Variants in PMS2 observed in about 807,000 individuals in gnomAD.
PMS2 encodes the protein mismatch repair endonuclease PMS2.
A neutral mutation model predicts 90.0 loss-of-function variants in PMS2; 69 were observed. The observed-to-expected ratio is 0.77, with a 90% CI of 0.63 to 0.94. The LOEUF (loss-of-function observed/expected upper bound fraction) is 0.94, where lower values mean the gene tolerates loss of function less well. Among genes scored for constraint, PMS2 ranks in the 40% least tolerant of loss-of-function variants. PMS2 has a pLI of 0.00. For missense variants in PMS2, 966 were observed against 1,040.2 expected, an observed-to-expected ratio of 0.93 and a Z score of 0.98; for synonymous variants, 332 against 375.1, an observed-to-expected ratio of 0.89 and a Z score of 1.33.
At position 5,994,731 on chromosome 7, in the gene PMS2, A is replaced by G. The variant is rs893311560; in HGVS notation, c.903+803T>C. ...GCGGAGCTTGCAGTGAGCCGAGACCACGCCACTGCACTCCAGCCTGGGTGA... is the reference window on the plus strand; with the variant it reads ...GCGGAGCTTGCAGTGAGCCGAGACCGCGCCACTGCACTCCAGCCTGGGTGA... On this transcript the variant is annotated intron_variant, in intron 8 of 14. Transcript: ENST00000265849. Among the ~76,000 whole-genome samples, 15 of 151,486 alleles carry G rather than the reference A, an allele frequency of 9.9e-5. No individual in the cohort carries two copies. In the East Asian group the frequency reaches 1.6e-3, roughly 16 times the overall value.
intron 7 of PMS2, 36 bp downstream of exon 7, chr7:5,997,290 G>A (rs1402536065): frequency 1.0e-6 from 1 of 983,906 alleles, no homozygotes; most frequent in Non-Finnish European, 1.6e-6. Context: ...AGGATAAAAT[G>A]TTCAATTGTA....
chr7:5,997,528 A>T, intron 6 of PMS2, 105 bp from the exon 7 acceptor site: 1 of 714,640 alleles, frequency 1.4e-6, no homozygotes, highest in South Asian at 1.7e-5. Flanking sequence ...AGCGCAAAAA[A>T]AATTAAAAGA....
In PMS2 at chr7:6,004,096, G is replaced by A. The variant is rs374385984; in HGVS notation, c.164-38C>T. On this transcript the variant is annotated intron_variant, in intron 2 of 14. Coordinates refer to ENST00000265849, the MANE Select transcript of PMS2 (RefSeq NM_000535.7). The stretch of plus-strand genomic sequence containing the variant: ...AAATATTTACATATTTATTAAAAAC[G>A]GACCCATGCTATCAGTTTTTATATT... 4.9e-4 allele frequency: 549 copies of A among 1,119,362 alleles called. 3 individuals are homozygous for A. The highest frequency in any genetic ancestry group is 3.0e-4 in the Non-Finnish European group (224 of 735,212). The allele number at this position is 1,119,362 out of a possible 1,614,324, so 69.3% of individuals were successfully genotyped here.
At chr7:6,004,841 T>A (rs950582162) in intron 2 of PMS2, among the ~76,000 whole-genome samples, 19 of 152,230 alleles carry the variant, frequency 1.2e-4, no homozygotes, top group African/African-American at 4.3e-4. Context: ...AAATAGAGAA[T>A]AATAAGTTCT....
rs35943120 is a variant in PMS2, at chr7:6,005,931, A to C, written c.124T>G (p.Leu42Val). 3.1e-6 allele frequency: 5 copies of C among 1,610,584 alleles called. No individual in the cohort carries two copies. The highest frequency in any genetic ancestry group is 4.2e-6 in the Non-Finnish European group (5 of 1,179,802). The change falls in exon 2 of 15, where the codon TTA becomes GTA. Residue 42 changes from leucine to valine, a missense_variant. Around this residue, in one of 2 missense-constraint regions of PMS2, gnomAD observed 871 missense variants for 802.4 expected, o/e 1.09. Coordinates refer to ENST00000265849, the MANE Select transcript of PMS2 (RefSeq NM_000535.7). ...CCAGCATCCAGACTGTTTTCTACTA[A>C]CTCCTTTACCGCAGTGCTTAGACTC... The part of the protein sequence containing the change: ...VLSLSTAVKE[L>V]VENSLDAGAT...
In PMS2 at chr7:5,987,515, A is replaced by G. The variant is rs1451465095; in HGVS notation, c.1250T>C (p.Ile417Thr). Residue 417 changes from isoleucine to threonine, a missense_variant, in exon 11 of 15, where the codon ATT (isoleucine) becomes ACT (threonine). Coordinates refer to ENST00000265849, the MANE Select transcript of PMS2 (RefSeq NM_000535.7). ...RTGEEKKDVSISRLREAFSLR... is the reference protein window; with the variant it reads ...RTGEEKKDVSTSRLREAFSLR... The stretch of plus-strand genomic sequence containing the variant: ...AGAAAAGGCCTCTCGCAGTCTGGAA[A>G]TGGACACGTCTTTTTTTTCTTCTCC... The G allele has an allele frequency of 6.2e-7, 1 of 1,614,056 alleles. No individual in the cohort carries two copies. Among genetic ancestry groups the G allele is most frequent in the Non-Finnish European group, 8.5e-7 (1 of 1,180,044 alleles).
intron 2 of PMS2, among the ~76,000 whole-genome samples, chr7:6,005,232 A>C (rs1157798551): frequency 7.0e-6 from 1 of 142,598 alleles, no homozygotes; most frequent in Admixed American, 7.0e-5. Context: ...TTGAGATGGA[A>C]TCTTGCTCTG....
chr7:5,999,385 A>AG, intron 5 of PMS2, 110 bp from the exon 6 acceptor site: 1 of 941,578 alleles, frequency 1.1e-6, no homozygotes, highest in Non-Finnish European at 1.7e-6. Flanking sequence ...GCACAAATCA[A>AG]GGGAAGCACT....
intron 8 of PMS2, among the ~76,000 whole-genome samples, chr7:5,994,962 T>C (rs1402972520): frequency 6.6e-6 from 1 of 152,006 alleles, no homozygotes; most frequent in Non-Finnish European, 1.5e-5. Flanking sequence ...CGAAAAACAA[T>C]GGTTCAATAG....
At chr7:5,997,710 G>T (rs998265301) in intron 6 of PMS2, among the ~76,000 whole-genome samples, 1 of 151,898 alleles carries the variant, frequency 6.6e-6, no homozygotes, top group African/African-American at 2.4e-5. Flanking sequence ...CACCACACCT[G>T]GCTAATTTTT....
chr7:6,000,923 G>T (rs940835140), intron 5 of PMS2, among the ~76,000 whole-genome samples: 1 of 152,082 alleles, frequency 6.6e-6, no homozygotes, highest in African/African-American at 2.4e-5. Context: ...CCCAGGAGGT[G>T]GAGGTTGCAG....
chr7:5,986,740 T>G lies in PMS2; in HGVS notation c.2006+19A>C. On this transcript the variant is annotated intron_variant, in intron 11 of 14. Transcript: ENST00000265849. ...AAATTTTAGATAAAAAGAGAAAAAG[T>G]AAAAAATTAAAACTTTACCTTATCT... 6.5e-7 allele frequency: 1 copy of G among 1,536,282 alleles called. No homozygotes were observed. The highest frequency in any genetic ancestry group is 1.3e-5 in the South Asian group (1 of 78,660).
rs2128818375 is a variant in PMS2, at chr7:6,002,577, T to C, written c.413A>G (p.Asp138Gly). ...SAKVGTRLMFDHNGKIIQKTP... is the reference protein window; with the variant it reads ...SAKVGTRLMFGHNGKIIQKTP... ...TTTCTGGATAATTTTCCCATTGTGA[T>C]CAAACATCAGTCGAGTTCCAACCTT... Residue 138 changes from aspartate to glycine, a missense_variant, in exon 5 of 15, where the codon GAT becomes GGT. By Grantham distance (94) the Asp-to-Gly change is moderately conservative (BLOSUM62 -1). This residue lies in a region of PMS2 where 871 missense variants were observed against 802.4 expected (regional missense o/e 1.09). Coordinates refer to ENST00000265849, the MANE Select transcript of PMS2 (RefSeq NM_000535.7). 4 of 1,611,922 alleles carry C rather than the reference T, an allele frequency of 2.5e-6. No homozygotes were observed. Among genetic ancestry groups the C allele is most frequent in the Non-Finnish European group, 3.4e-6 (4 of 1,179,792 alleles).
intron 9 of PMS2, 51 bp downstream of exon 9, chr7:5,991,922 A>G: frequency 1.2e-6 from 1 of 861,496 alleles, no homozygotes; most frequent in Non-Finnish European, 2.0e-6. Flanking sequence ...ATTTCATTTT[A>G]TTCTTTGAGG....
intron 11 of PMS2, among the ~76,000 whole-genome samples, chr7:5,984,393 C>A (rs988659084): frequency 4.0e-5 from 6 of 151,830 alleles, no homozygotes; most frequent in Admixed American, 3.3e-4. Flanking sequence ...CAGTCCCACA[C>A]AATTAAATCC....
chr7:6,006,869 A>C (rs1298964260), intron 1 of PMS2, among the ~76,000 whole-genome samples: 1 of 152,054 alleles, frequency 6.6e-6, no homozygotes, highest in East Asian at 1.9e-4. Context: ...GAGTTTTATA[A>C]AGGTTTTATC....
intron 12 of PMS2, 113 bp from the exon 13 acceptor site, chr7:5,978,809 A>C: frequency 7.9e-7 from 1 of 1,261,484 alleles, no homozygotes; most frequent in Non-Finnish European, 1.1e-6. Flanking sequence ...CAAAATAACA[A>C]CACAAATAAC....
chr7:5,995,665 T>C (rs778570550), intron 7 of PMS2, 32 bp from the exon 8 acceptor site: 1 of 1,434,146 alleles, frequency 7.0e-7, no homozygotes, highest in Non-Finnish European at 9.8e-7. Context: ...AGGGCAGGAT[T>C]CCAGAGTGAA....
intron 12 of PMS2, 51 bp from the exon 13 acceptor site, chr7:5,978,747 C>T: frequency 7.1e-7 from 1 of 1,415,496 alleles, no homozygotes. Flanking sequence ...AAACATTTAG[C>T]TTTACAGCAG....
Sources: allele counts gnomAD v4.1 joint callset (sites outside exome capture counted in the v4.1 genomes callset), GRCh38; gene constraint gnomAD v4.1.1; regional missense constraint gnomAD v4.1.1; transcripts MANE v1.5; gene names NCBI Gene and HGNC (gene_info 2026-07-23, HGNC 2026-07-21).